PTPRT: variants seen among roughly 807,000 people sequenced by gnomAD.
PTPRT encodes protein tyrosine phosphatase receptor type T.
PTPRT carries 56 observed loss-of-function variants against 176.8 expected under a neutral mutation model. That is an observed-to-expected ratio of 0.32 (90% CI 0.26 to 0.40). The LOEUF (loss-of-function observed/expected upper bound fraction) is 0.40. PTPRT is among the 10% of genes least tolerant of loss of function. The pLI is 1.00. For synonymous variants in PTPRT, 783 were observed against 739.0 expected (o/e 1.06, Z -0.96); for missense variants, 1,540 against 1,908.2 (o/e 0.81, Z 3.60).
At chr20:43,032,782 C>T (rs1348246357) in intron 1 of PTPRT, among the ~76,000 whole-genome samples, 1 of 152,120 alleles carries the variant, frequency 6.6e-6, no homozygotes, top group Non-Finnish European at 1.5e-5. Flanking sequence ...CCTACATTAG[C>T]CTGCCCGTAA....
chr20:42,538,223 T>C (rs77506614), intron 7 of PTPRT, among the ~76,000 whole-genome samples: 2,254 of 152,146 alleles, frequency 0.015, 56 homozygotes, highest in African/African-American at 0.052. Context: ...CTGTCTACCT[T>C]GCAACCCTAC....
At chr20:42,790,687 C>T (rs926548625) in intron 3 of PTPRT, among the ~76,000 whole-genome samples, 10 of 152,044 alleles carry the variant, frequency 6.6e-5, no homozygotes, top group African/African-American at 2.4e-4. Flanking sequence ...ACTCAAATGC[C>T]TTTCCCTCCC....
At chr20:42,165,287 A>G (rs768589451) in intron 16 of PTPRT, among the ~76,000 whole-genome samples, 1 of 152,206 alleles carries the variant, frequency 6.6e-6, no homozygotes, top group Admixed American at 6.5e-5. Context: ...AGAAATATTT[A>G]ATGAGTACCT....
Position 42,099,747 on chromosome 20 carries a change from G to C in PTPRT, c.3715-1195C>G, listed in dbSNP as rs372079922. 2.6e-3 allele frequency among the ~76,000 whole-genome samples: 401 copies of C among 152,278 alleles called. 3 individuals carry two copies. The highest frequency in any genetic ancestry group is 0.016 in the East Asian group (85 of 5,180). On this transcript the variant is annotated intron_variant, in intron 26 of 30. Coordinates refer to ENST00000373187, the MANE Select transcript of PTPRT (RefSeq NM_007050.6). ...TTTTCAGTGCAGTTACAAGCAAGAG[G>C]GAAGAGGGCAAAGACCCTGGAAAAA...
chr20:42,409,353 G>T (rs868361349), intron 9 of PTPRT, among the ~76,000 whole-genome samples: 1 of 151,526 alleles, frequency 6.6e-6, no homozygotes, highest in South Asian at 2.1e-4. Context: ...ATGGTGTCTC[G>T]CGCCTGTAGT....
At chr20:42,970,145 CCT>C (rs1982539752) in intron 1 of PTPRT, among the ~76,000 whole-genome samples, 1 of 152,140 alleles carries the variant, frequency 6.6e-6, no homozygotes, top group Admixed American at 6.5e-5. Flanking sequence ...CAGTTCAGTC[CCT>C]GTTTGTTCTT....
At chr20:43,017,615 TGAGCACTGCCAA>T (rs1424909665) in intron 1 of PTPRT, among the ~76,000 whole-genome samples, 1 of 152,194 alleles carries the variant, frequency 6.6e-6, no homozygotes, top group Non-Finnish European at 1.5e-5. Flanking sequence ...CCGTCAAGCC[TGAGCACTGCCAA>T]GAGCACAAGG....
Position 42,756,466 on chromosome 20 carries a change from C to T in PTPRT, c.855G>A (p.Val285=), listed in dbSNP as rs768558328. 1 of 1,553,842 alleles carries T rather than the reference C, an allele frequency of 6.4e-7. No homozygotes were observed. Among genetic ancestry groups the T allele is most frequent in the Non-Finnish European group, 8.7e-7 (1 of 1,145,306 alleles). Residue 285 remains valine, a synonymous_variant, in exon 6 of 31, where the codon GTG becomes GTA. Transcript: ENST00000373187. The part of the protein sequence containing the change: ...SGVSNYAELI[V]KEPPTPIAPP... ...GCGCAGGCTGGAGGCACTCACCTTT[C>T]ACGATCAGCTCCGCGTAGTTGGACA...
intron 6 of PTPRT, among the ~76,000 whole-genome samples, chr20:42,694,948 G>A (rs1046860824): frequency 6.6e-6 from 1 of 152,198 alleles, no homozygotes; most frequent in African/African-American, 2.4e-5. Flanking sequence ...GCTCCTGGCT[G>A]TCTTCAGAAG....
intron 1 of PTPRT, among the ~76,000 whole-genome samples, chr20:43,123,745 T>A (rs1187716824): frequency 6.6e-6 from 1 of 152,194 alleles, no homozygotes; most frequent in Admixed American, 6.5e-5. Flanking sequence ...CTGGACATTA[T>A]CCTAACTAGT....
At chr20:42,821,143 A>C (rs984208535) in intron 2 of PTPRT, among the ~76,000 whole-genome samples, 1 of 152,244 alleles carries the variant, frequency 6.6e-6, no homozygotes, top group African/African-American at 2.4e-5. Context: ...CCTGATAAAC[A>C]TCAATGTGAA....
intron 1 of PTPRT, among the ~76,000 whole-genome samples, chr20:43,188,157 G>A (rs1203393541): frequency 6.6e-6 from 1 of 152,042 alleles, no homozygotes; most frequent in Non-Finnish European, 1.5e-5. Context: ...GACTGCCCCG[G>A]GCATCCTCCC....
At chr20:42,710,102 T>C (rs6103000) in intron 6 of PTPRT, among the ~76,000 whole-genome samples, 19,821 of 152,120 alleles carry the variant, frequency 0.13, 1,837 homozygotes, top group African/African-American at 0.26. Context: ...GAACTTATAA[T>C]TAAAAGAAAA....
chr20:42,933,395 T>C (rs1979986233), intron 1 of PTPRT, among the ~76,000 whole-genome samples: 1 of 152,226 alleles, frequency 6.6e-6, no homozygotes, highest in African/African-American at 2.4e-5. Flanking sequence ...TTTTTAAATA[T>C]ATTTACATGT....
At chr20:42,432,637 A>C (rs555966499) in intron 9 of PTPRT, among the ~76,000 whole-genome samples, 1 of 152,248 alleles carries the variant, frequency 6.6e-6, no homozygotes, top group Non-Finnish European at 1.5e-5. Context: ...ATGCAAAGCA[A>C]GGGTTAAGTC....
chr20:43,078,294 G>A (rs2011333890), intron 1 of PTPRT, among the ~76,000 whole-genome samples: 1 of 152,230 alleles, frequency 6.6e-6, no homozygotes, highest in Non-Finnish European at 1.5e-5. Context: ...CTTGGTCAGG[G>A]AAGCAGTCTC....
intron 7 of PTPRT, among the ~76,000 whole-genome samples, chr20:42,513,506 T>C (rs1270358177): frequency 6.6e-6 from 1 of 152,166 alleles, no homozygotes; most frequent in Non-Finnish European, 1.5e-5. Context: ...TACCTATTTG[T>C]ATTATTTTGT....
intron 1 of PTPRT, among the ~76,000 whole-genome samples, chr20:42,978,911 CG>C (rs1555811978): frequency 6.6e-6 from 1 of 152,204 alleles, no homozygotes; most frequent in Non-Finnish European, 1.5e-5. Context: ...AGCAGCCCTT[CG>C]GCTGCTCTGT....
rs532404272 is a variant in PTPRT at position 42,088,477 on chromosome 20, G to A, written c.3847-2624C>T. On this transcript the variant is annotated intron_variant, in intron 27 of 30. Coordinates refer to ENST00000373187, the MANE Select transcript of PTPRT (RefSeq NM_007050.6). ...CTTCCTCCAGAACTAGAATTAGAAGGGAAGAGCAGCGAGCAGGAAGGATGT... is the reference window on the plus strand; with the variant it reads ...CTTCCTCCAGAACTAGAATTAGAAGAGAAGAGCAGCGAGCAGGAAGGATGT... Among the ~76,000 whole-genome samples the A allele has an allele frequency of 6.8e-4, 104 of 152,232 alleles. 1 individual carries two copies. The highest frequency in any genetic ancestry group is 2.4e-3 in the African/African-American group (98 of 41,480).
Sources: allele counts gnomAD v4.1 joint callset (sites outside exome capture counted in the v4.1 genomes callset), GRCh38; gene constraint gnomAD v4.1.1; transcripts MANE v1.5; gene names NCBI Gene and HGNC (gene_info 2026-07-23, HGNC 2026-07-21).